NCKAP5: variants seen among roughly 807,000 people sequenced by gnomAD.
NCKAP5 encodes NCK associated protein 5, also known as nck-associated protein 5.
Under a neutral mutation model 167.0 loss-of-function variants are expected in NCKAP5, and 92 were observed. The observed-to-expected ratio is 0.55, with a 90% CI of 0.47 to 0.66. NCKAP5 has a LOEUF of 0.66. NCKAP5 is among the 30% of genes least tolerant of loss of function. NCKAP5 has a pLI of 0.00. For synonymous variants in NCKAP5, 891 were observed against 877.4 expected (o/e 1.02, Z -0.27); for missense variants, 2,378 against 2,315.0 (o/e 1.03, Z -0.56).
chr2:133,303,559 ATATTCATTGGGCACTTG>A (rs1267738652), intron 3 of NCKAP5, among the ~76,000 whole-genome samples: 1 of 152,142 alleles, frequency 6.6e-6, no homozygotes, highest in Non-Finnish European at 1.5e-5. Context: ...ATATATACCC[ATATTCATTGGGCACTTG>A]TATACACTAA....
chr2:133,324,834 C>T (rs1030466449), intron 3 of NCKAP5, among the ~76,000 whole-genome samples: 1 of 152,004 alleles, frequency 6.6e-6, no homozygotes, highest in African/African-American at 2.4e-5. Context: ...ATTCTTTTGC[C>T]TCAGCCTCCC....
chr2:133,580,862 G>GTT, the NCKAP5 span, among the ~76,000 whole-genome samples: 1 of 152,136 alleles, frequency 6.6e-6, no homozygotes, highest in East Asian at 1.9e-4. Context: ...TCAGTACAAA[G>GTT]TTTCTCTCTC....
At chr2:133,201,998 C>A (rs2085715112) in intron 5 of NCKAP5, among the ~76,000 whole-genome samples, 1 of 152,180 alleles carries the variant, frequency 6.6e-6, no homozygotes. Flanking sequence ...CCCCATCAGG[C>A]TACCAATGAC....
At chr2:132,940,724 T>G (rs1003773418) in intron 8 of NCKAP5, among the ~76,000 whole-genome samples, 3 of 152,014 alleles carry the variant, frequency 2.0e-5, no homozygotes, top group Non-Finnish European at 4.4e-5. Context: ...TTTATTCTTT[T>G]TCAAAGATCT....
chr2:132,943,904 G>T (rs551093995), intron 8 of NCKAP5, among the ~76,000 whole-genome samples: 1 of 152,306 alleles, frequency 6.6e-6, no homozygotes, highest in South Asian at 2.1e-4. Flanking sequence ...GCCTCCTGGG[G>T]CTGGGTGAAG....
Position 132,806,990 on chromosome 2 carries a change from C to T in NCKAP5, c.808-10261G>A, listed in dbSNP as rs191778353. On this transcript the variant is annotated intron_variant, in intron 11 of 19. Transcript: ENST00000409261. ...TCCTACATGCGGCTAGCCAATTATC[C>T]TAGCACCATTTGTTGAAAAGGGTGT... 9.2e-5 allele frequency among the ~76,000 whole-genome samples: 14 copies of T among 152,306 alleles called. No homozygotes were observed. In the East Asian group the frequency reaches 2.7e-3, roughly 29 times the overall value.
chr2:133,338,047 T>C (rs1472390722), intron 3 of NCKAP5, among the ~76,000 whole-genome samples: 1 of 152,198 alleles, frequency 6.6e-6, no homozygotes, highest in Non-Finnish European at 1.5e-5. Flanking sequence ...ATTTTAATAT[T>C]AGCAAATAAT....
At chr2:133,610,219 G>T in the NCKAP5 span, among the ~76,000 whole-genome samples, 3 of 152,154 alleles carry the variant, frequency 2.0e-5, no homozygotes, top group African/African-American at 7.2e-5. Context: ...ATTATAGCCT[G>T]ATGGCTAAAA....
intron 6 of NCKAP5, among the ~76,000 whole-genome samples, chr2:133,061,805 C>T (rs2080012932): frequency 6.6e-6 from 1 of 152,156 alleles, no homozygotes; most frequent in Admixed American, 6.5e-5. Context: ...GCCATTAGTA[C>T]CTGGTGGCTA....
chr2:133,461,755 G>C (rs1692211124), intron 3 of NCKAP5, among the ~76,000 whole-genome samples: 1 of 152,170 alleles, frequency 6.6e-6, no homozygotes, highest in African/African-American at 2.4e-5. Context: ...GAGAAATGTG[G>C]CCAAGCTAGG....
chr2:132,922,343 C>G (rs1290920153), intron 8 of NCKAP5, among the ~76,000 whole-genome samples: 1 of 152,150 alleles, frequency 6.6e-6, no homozygotes, highest in African/African-American at 2.4e-5. Flanking sequence ...GGAGAAGAAG[C>G]TAGAAAAGTT....
At chr2:133,202,056 A>G (rs1054787353) in intron 5 of NCKAP5, among the ~76,000 whole-genome samples, 6 of 152,166 alleles carry the variant, frequency 3.9e-5, no homozygotes, top group African/African-American at 1.4e-4. Flanking sequence ...ATATGGAACC[A>G]AAAAAGAGCC....
chr2:133,189,439 C>T (rs564316371), intron 5 of NCKAP5, among the ~76,000 whole-genome samples: 14 of 151,966 alleles, frequency 9.2e-5, no homozygotes, highest in Admixed American at 1.3e-4. Flanking sequence ...TTTTATGAGG[C>T]CAGCATCATC....
At chr2:133,458,778 C>G (rs2151223022) in intron 3 of NCKAP5, among the ~76,000 whole-genome samples, 1 of 152,174 alleles carries the variant, frequency 6.6e-6, no homozygotes, top group East Asian at 1.9e-4. Context: ...CTGATAAGGA[C>G]TCTCGGGGTT....
intron 10 of NCKAP5, among the ~76,000 whole-genome samples, chr2:132,862,554 TA>T: frequency 6.6e-6 from 1 of 152,162 alleles, no homozygotes; most frequent in African/African-American, 2.4e-5. Context: ...CTGCTCAAAT[TA>T]AAAGGTGCAA....
intron 4 of NCKAP5, among the ~76,000 whole-genome samples, chr2:133,269,870 T>G (rs2089429210): frequency 6.6e-6 from 1 of 152,114 alleles, no homozygotes; most frequent in Non-Finnish European, 1.5e-5. Flanking sequence ...TAATGAGAAT[T>G]GGTGGTGATT....
chr2:132,803,260 C>A (rs570727874), intron 11 of NCKAP5, among the ~76,000 whole-genome samples: 5 of 152,156 alleles, frequency 3.3e-5, no homozygotes, highest in Non-Finnish European at 7.3e-5. Context: ...ATTTTTACAG[C>A]TAATTTTTTA....
intron 6 of NCKAP5, among the ~76,000 whole-genome samples, chr2:133,005,456 T>C (rs1559042147): frequency 6.6e-6 from 1 of 152,226 alleles, no homozygotes; most frequent in Non-Finnish European, 1.5e-5. Context: ...TCATTTCCCA[T>C]GTTCAGTCTC....
intron 6 of NCKAP5, among the ~76,000 whole-genome samples, chr2:133,029,037 A>C (rs770917568): frequency 7.9e-5 from 12 of 152,168 alleles, no homozygotes; most frequent in Non-Finnish European, 1.8e-4. Context: ...TGCTTCCTAT[A>C]CAGCCTGCAG....
Sources: gnomAD v4.1 joint callset for allele counts (sites outside exome capture counted in the v4.1 genomes callset) on GRCh38, gnomAD v4.1.1 for gene constraint, MANE v1.5 for transcripts, NCBI Gene and HGNC (gene_info 2026-07-23, HGNC 2026-07-21) for gene names.